Variants in DISP3 observed in about 807,000 individuals in gnomAD.
DISP3 encodes protein dispatched homolog 3.
In DISP3, 101 loss-of-function variants were observed where a neutral mutation model predicts 135.3. That is an observed-to-expected ratio of 0.75 (90% confidence interval 0.64 to 0.88). The LOEUF (loss-of-function observed/expected upper bound fraction) is 0.88. DISP3 is among the 40% of genes least tolerant of loss of function. DISP3 has a pLI of 0.00. For missense variants in DISP3, 1,713 were observed against 1,878.6 expected (o/e 0.91, Z 1.63); for synonymous variants, 856 against 817.0 (o/e 1.05, Z -0.81).
At chr1:11,527,350 C>T (rs1371256895) in intron 13 of DISP3, among the ~76,000 whole-genome samples, 1 of 152,094 alleles carries the variant, frequency 6.6e-6, no homozygotes, top group East Asian at 1.9e-4. Context: ...CCGATCGAGA[C>T]CATCCTGGCT....
At chr1:11,502,530 A>T (rs1014261791) in intron 2 of DISP3, 148 bp from the exon 3 acceptor site, 6 of 652,690 alleles carry the variant, frequency 9.2e-6, no homozygotes, top group Admixed American at 5.9e-5. Context: ...GGTCAGAGAG[A>T]GGTTGTGGGG....
intron 12 of DISP3, among the ~76,000 whole-genome samples, chr1:11,525,834 G>A (rs1642400139): frequency 6.6e-6 from 1 of 152,162 alleles, no homozygotes; most frequent in South Asian, 2.1e-4. Flanking sequence ...GGGGAGGACA[G>A]GGGCTTGCTC....
chr1:11,526,906 C>G, intron 13 of DISP3, 71 bp downstream of exon 13: 1 of 1,502,808 alleles, frequency 6.7e-7, no homozygotes, highest in Non-Finnish European at 8.9e-7. Context: ...TCTCTTTTCT[C>G]TCTCTTTTCA....
Position 11,499,930 on chromosome 1 carries a change from A to G in DISP3, c.-3-1060A>G, listed in dbSNP as rs926702963. Among the ~76,000 whole-genome samples, 1 of 152,380 alleles carries G rather than the reference A, an allele frequency of 6.6e-6. No individual in the cohort carries two copies. The highest frequency in any genetic ancestry group is 2.4e-5 in the African/African-American group (1 of 41,596). On this transcript the variant is annotated intron_variant, in intron 1 of 20. Coordinates refer to ENST00000294484, the MANE Select transcript of DISP3 (RefSeq NM_020780.2). The surrounding 1 kb of genome is among the most constrained non-coding windows in gnomAD (Gnocchi z 5.2). ...AATTAGCTTCCTCCTCTTACCGCCT[A>G]GCATCTAACTGGATAATGAGTCTCT...
rs758208757 is a variant in DISP3, at chr1:11,526,796, T to A, written c.2759T>A (p.Phe920Tyr). The A allele has an allele frequency of 1.1e-5, 18 of 1,611,412 alleles. No individual in the cohort carries two copies. Among genetic ancestry groups the A allele is most frequent in the Non-Finnish European group, 1.2e-5 (14 of 1,179,964 alleles). ...GCCAAGCGGGGCTGGAAGTTTGACT[T>A]CAGCTTCTACGTGGCCACCAAGGAG... The part of the protein sequence containing the change: ...CDAKRGWKFD[F>Y]SFYVATKEQQ... Residue 920 changes from phenylalanine (F) to tyrosine (Y), a missense_variant, in exon 13 of 21, where the codon TTC (phenylalanine) becomes TAC (tyrosine). By Grantham distance (22) the Phe-to-Tyr change is conservative. Transcript: ENST00000294484.
rs1227572700 is a variant in DISP3 at position 11,519,929 on chromosome 1, A to G, written c.2200+49A>G. The G allele has an allele frequency of 6.5e-7, 1 of 1,549,274 alleles. No homozygotes were observed. The highest frequency in any genetic ancestry group is 8.7e-7 in the Non-Finnish European group (1 of 1,143,024). On this transcript the variant is annotated intron_variant, in intron 9 of 20. Coordinates refer to ENST00000294484, the MANE Select transcript of DISP3 (RefSeq NM_020780.2). The surrounding 1 kb of genome is among the most constrained non-coding windows in gnomAD (Gnocchi z 4.3). The stretch of plus-strand genomic sequence containing the variant: ...CCCCTGTCTCACAGCTCCACCCCCA[A>G]AACACACAGGAACTGGGAGCCCACC...
In DISP3 at chr1:11,525,206, T is replaced by G; in HGVS notation, c.2507T>G (p.Val836Gly). Residue 836 changes from valine to glycine, a missense_variant, in exon 12 of 21, where the codon GTG (valine) becomes GGG (glycine). By Grantham distance (109) the Val-to-Gly change is moderately radical. Transcript: ENST00000294484. Reference protein sequence around the residue: ...DFPGTVYISKVKSQGHPAVYR... With the variant: ...DFPGTVYISKGKSQGHPAVYR... Reference sequence around the variant, plus strand: ...CCAGGCACCGTGTACATCTCTAAAGTGAAGAGTCAAGGCCACCCCGCTGTC... The same window carrying G: ...CCAGGCACCGTGTACATCTCTAAAGGGAAGAGTCAAGGCCACCCCGCTGTC... 1.2e-6 allele frequency: 2 copies of G among 1,614,038 alleles called. No homozygotes were observed. The highest frequency in any genetic ancestry group is 1.7e-6 in the Non-Finnish European group (2 of 1,179,948).
rs1278372004 is a variant in DISP3 at position 11,491,895 on chromosome 1, G to A, written c.-3-9095G>A. On this transcript the variant is annotated intron_variant, in intron 1 of 20. Transcript: ENST00000294484. This position sits in a 1 kb window ranked among gnomAD's most constrained non-coding sequence, Gnocchi z 4.3. The stretch of plus-strand genomic sequence containing the variant: ...CCCAGCACTTTGGGAGGCCGAGGCG[G>A]GCGGATCACGAGGTCAGGAGATCGA... 1.3e-5 allele frequency among the ~76,000 whole-genome samples: 2 copies of A among 151,828 alleles called. No homozygotes were observed. Among genetic ancestry groups the A allele is most frequent in the Non-Finnish European group, 2.9e-5 (2 of 67,942 alleles).
At chr1:11,535,385 C>A in intron 19 of DISP3, 93 bp from the exon 20 acceptor site, 1 of 1,487,696 alleles carries the variant, frequency 6.7e-7, no homozygotes, top group Non-Finnish European at 9.0e-7. Context: ...TCTCCTGTCA[C>A]CTGAGGGTGG....
intron 11 of DISP3, 31 bp downstream of exon 11, chr1:11,524,086 C>G: frequency 1.3e-6 from 2 of 1,519,044 alleles, no homozygotes; most frequent in Non-Finnish European, 1.8e-6. Flanking sequence ...GTGGGGAAAT[C>G]CTCCCTGGTG....
At chr1:11,518,390 AC>A in intron 7 of DISP3, among the ~76,000 whole-genome samples, 1 of 152,136 alleles carries the variant, frequency 6.6e-6, no homozygotes, top group East Asian at 1.9e-4. Context: ...ACCCTTCAGG[AC>A]CCCGCTGTGG....
rs937315994 is a variant in DISP3, at chr1:11,515,611, G to T, written c.1588+108G>T. On this transcript the variant is annotated intron_variant, in intron 5 of 20. Transcript: ENST00000294484. ...GGCTTCCCTGGGGGCTCTACACAGC[G>T]CCTGCTGAGGCCTAGAGCCTTGGAG... The T allele has an allele frequency of 1.1e-5, 16 of 1,430,124 alleles. No homozygotes were observed. In the South Asian group the frequency reaches 1.4e-4, roughly 13 times the overall value. The allele number at this position is 1,430,124 out of a possible 1,614,324, so 88.6% of individuals were successfully genotyped here.
At position 11,502,053 on chromosome 1, in the gene DISP3, A is replaced by G; in HGVS notation, c.1061A>G (p.Tyr354Cys). The change falls in exon 2 of 21, where the codon TAT (tyrosine) becomes TGT (cysteine). Residue 354 changes from tyrosine (Y) to cysteine (C), a missense_variant. Physicochemically the swap from Tyr to Cys is radical, Grantham distance 194 (BLOSUM62 -2). Transcript: ENST00000294484. ...FPTERGGKIY[Y>C]DGMGQDLADI... ...ACCGAGAGGGGCGGCAAGATCTACTATGACGGCATGGGCCAGGACCTGGCG... is the reference window on the plus strand; with the variant it reads ...ACCGAGAGGGGCGGCAAGATCTACTGTGACGGCATGGGCCAGGACCTGGCG... 1 of 1,592,950 alleles carries G rather than the reference A, an allele frequency of 6.3e-7. No homozygotes were observed. Among genetic ancestry groups the G allele is most frequent in the Non-Finnish European group, 8.6e-7 (1 of 1,168,836 alleles).
chr1:11,511,281 C>T (rs1472147229), intron 3 of DISP3, among the ~76,000 whole-genome samples: 1 of 152,202 alleles, frequency 6.6e-6, no homozygotes, highest in Non-Finnish European at 1.5e-5. Context: ...TCCAAAGTCT[C>T]ATCTGAGACA....
intron 5 of DISP3, among the ~76,000 whole-genome samples, chr1:11,515,735 C>T (rs1641992364): frequency 6.6e-6 from 1 of 151,382 alleles, no homozygotes; most frequent in Admixed American, 6.6e-5. Context: ...GTGGGAAAGG[C>T]CCAGGAAGTG....
At chr1:11,496,291 A>G (rs10864512) in intron 1 of DISP3, among the ~76,000 whole-genome samples, 73,516 of 151,942 alleles carry the variant, frequency 0.48, 19,743 homozygotes, top group East Asian at 0.73. Flanking sequence ...GTGGATATGC[A>G]TCCACCTTGA....
At chr1:11,480,592 C>CTGGTG (rs1640872831) in intron 1 of DISP3, among the ~76,000 whole-genome samples, 3 of 151,792 alleles carry the variant, frequency 2.0e-5, no homozygotes, top group Middle Eastern at 3.4e-3. Context: ...GAGCCCACCA[C>CTGGTG]CTGGTGTTCT....
Position 11,502,084 on chromosome 1 carries a change from C to A in DISP3, c.1092C>A (p.Ile364=). ...GCATGGGCCAGGACCTGGCGGACAT[C>A]CGGGGTGAGCCGCCGGGATGCTGGG... The part of the protein sequence containing the change: ...YDGMGQDLAD[I]RGSLELAMTH... Residue 364 remains isoleucine (I), a synonymous_variant, in exon 2 of 21, where the codon ATC becomes ATA. Transcript: ENST00000294484. 1 of 1,546,780 alleles carries A rather than the reference C, an allele frequency of 6.5e-7. No individual in the cohort carries two copies. The highest frequency in any genetic ancestry group is 8.7e-7 in the Non-Finnish European group (1 of 1,147,024).
At chr1:11,480,769 C>A (rs1017666935) in intron 1 of DISP3, among the ~76,000 whole-genome samples, 3 of 151,306 alleles carry the variant, frequency 2.0e-5, no homozygotes, top group African/African-American at 7.3e-5. Context: ...CCCCTCCCCA[C>A]CTCCTACTAC....
Sources: allele counts gnomAD v4.1 joint callset (sites outside exome capture counted in the v4.1 genomes callset), GRCh38; gene constraint gnomAD v4.1.1; non-coding constraint Gnocchi (gnomAD v3.1); transcripts MANE v1.5; gene names NCBI Gene and HGNC (gene_info 2026-07-23, HGNC 2026-07-21).